The following ERG variants were observed in gnomAD, a reference collection of about 807,000 sequenced individuals.
ERG encodes ETS transcription factor ERG.
A neutral mutation model predicts 55.3 loss-of-function variants in ERG; 9 were observed. The ratio of observed to expected loss-of-function variants is 0.16; its 90% confidence interval spans 0.10 to 0.28. ERG has a LOEUF of 0.28. Among genes scored for constraint, ERG ranks in the 10% least tolerant of loss-of-function variants. The pLI, the probability that ERG is intolerant of heterozygous loss-of-function variation, is 1.00. For synonymous variants in ERG, 223 were observed against 237.3 expected, an observed-to-expected ratio of 0.94 and a Z score of 0.55; for missense variants, 434 against 631.6, an observed-to-expected ratio of 0.69 and a Z score of 3.35.
At chr21:38,406,775 A>G (rs1297371486) in intron 3 of ERG, among the ~76,000 whole-genome samples, 1 of 152,196 alleles carries the variant, frequency 6.6e-6, no homozygotes, top group Non-Finnish European at 1.5e-5. Context: ...ATATTGTCTG[A>G]AAGCCACTAG....
chr21:38,427,579 C>T (rs898029427), intron 2 of ERG, among the ~76,000 whole-genome samples: 11 of 152,158 alleles, frequency 7.2e-5, no homozygotes, highest in East Asian at 3.9e-4. Flanking sequence ...GACTTCAGTG[C>T]GGGTGGCCCG....
intron 6 of ERG, among the ~76,000 whole-genome samples, chr21:38,398,525 C>T (rs1231457657): frequency 6.6e-6 from 1 of 152,208 alleles, no homozygotes; most frequent in African/African-American, 2.4e-5. Flanking sequence ...TGTGCTCTCT[C>T]CCAGGTCACG....
chr21:38,585,999 G>A (rs1271014737), upstream of ERG, among the ~76,000 whole-genome samples: 1 of 151,922 alleles, frequency 6.6e-6, no homozygotes, highest in Non-Finnish European at 1.5e-5. Context: ...AGGCAGGAAA[G>A]GAAAGAGGAT....
intron 5 of ERG, among the ~76,000 whole-genome samples, chr21:38,401,573 A>G (rs1437395431): frequency 1.3e-5 from 2 of 152,230 alleles, no homozygotes; most frequent in African/African-American, 2.4e-5. Flanking sequence ...TTATATTTTA[A>G]AATAAAATGG....
Position 38,406,154 on chromosome 21 carries a change from C to CAAAAAAAAAAAAAAAAAAAA in ERG, c.389-2465_389-2446dup, listed in dbSNP as rs56711562. On this transcript the variant is annotated intron_variant, in intron 3 of 9. Coordinates refer to ENST00000288319, the MANE Select transcript of ERG (RefSeq NM_182918.4). ...TGAGCGACAGAGCGAGACTCCATCT[C>CAAAAAAAAAAAAAAAAAAAA]AAAAAAAAAAAAAAAAAAAAATCAT... 5.9e-4 allele frequency among the ~76,000 whole-genome samples: 56 copies of CAAAAAAAAAAAAAAAAAAAA among 95,000 alleles called. 1 individual carries two copies. The highest frequency in any genetic ancestry group is 2.2e-3 in the South Asian group (5 of 2,244). 62.3% of individuals were successfully genotyped at this position (95,000 alleles called of 152,430 possible).
chr21:38,454,792 A>AT (rs564428356), intron 1 of ERG, among the ~76,000 whole-genome samples: 2 of 152,172 alleles, frequency 1.3e-5, no homozygotes, highest in Non-Finnish European at 2.9e-5. Context: ...ATTATCACTT[A>AT]TTTTTTGTAA....
intron 1 of ERG, among the ~76,000 whole-genome samples, chr21:38,492,590 A>C (rs1395063099): frequency 1.3e-5 from 2 of 152,222 alleles, no homozygotes; most frequent in Non-Finnish European, 2.9e-5. Flanking sequence ...AATGGATAAG[A>C]TATCACTAAA....
intron 6 of ERG, 145 bp from the exon 7 acceptor site, chr21:38,392,589 A>G (rs1417613545): frequency 8.6e-6 from 5 of 581,240 alleles, no homozygotes; most frequent in Non-Finnish European, 1.4e-5. Flanking sequence ...ACTAGATTTG[A>G]GTTTTATTTA....
At chr21:38,443,054 G>A (rs746894426) in intron 2 of ERG, among the ~76,000 whole-genome samples, 23 of 152,156 alleles carry the variant, frequency 1.5e-4, no homozygotes, top group Non-Finnish European at 2.5e-4. Flanking sequence ...TGATCCACCC[G>A]CCTTGGCCTC....
intron 2 of ERG, among the ~76,000 whole-genome samples, chr21:38,542,972 A>G (rs948629111): frequency 6.6e-6 from 1 of 152,126 alleles, no homozygotes; most frequent in Non-Finnish European, 1.5e-5. Flanking sequence ...GCAGGAGGCC[A>G]TTGTGTTTCT....
chr21:38,587,078 T>C (rs2060070364), upstream of ERG, among the ~76,000 whole-genome samples: 1 of 152,258 alleles, frequency 6.6e-6, no homozygotes, highest in South Asian at 2.1e-4. Flanking sequence ...ACATAGCATC[T>C]GAAAAGTTGA....
At chr21:38,485,878 T>C (rs1165378748) in intron 1 of ERG, among the ~76,000 whole-genome samples, 1 of 152,060 alleles carries the variant, frequency 6.6e-6, no homozygotes, top group Non-Finnish European at 1.5e-5. Flanking sequence ...GCTCCATTCA[T>C]GGTAAGTGCC....
In ERG at chr21:38,381,927, G is replaced by A; in HGVS notation, c.*1476C>T. The stretch of plus-strand genomic sequence containing the variant: ...TGGCTCTCCCTTGCACAAGTTCCTG[G>A]ACAAAGTAAATTATAACACAAAATC... On this transcript the variant is annotated 3_prime_UTR_variant, in exon 10 of 10. Coordinates refer to ENST00000288319, the MANE Select transcript of ERG (RefSeq NM_182918.4). 1 of 1,063,106 alleles carries A rather than the reference G, an allele frequency of 9.4e-7. No individual in the cohort carries two copies. The highest frequency in any genetic ancestry group is 1.1e-6 in the Non-Finnish European group (1 of 877,916). 65.9% of individuals were successfully genotyped at this position (1,063,106 alleles called of 1,614,324 possible). A position where few individuals can be genotyped will look rare whatever the true frequency, so the allele number is the denominator to read the frequency against.
intron 1 of ERG, among the ~76,000 whole-genome samples, chr21:38,468,989 AAAAAAAAAAAAAG>A (rs1392317660): frequency 2.5e-4 from 18 of 71,690 alleles, no homozygotes; most frequent in Admixed American, 1.1e-3. Flanking sequence ...TCTCAAAAAA[AAAAAAAAAAAAAG>A]AAAAAAAAAA....
intron 2 of ERG, among the ~76,000 whole-genome samples, chr21:38,424,112 T>G (rs1421043534): frequency 1.3e-5 from 2 of 151,674 alleles, no homozygotes; most frequent in African/African-American, 4.8e-5. Context: ...TAATTTCAGT[T>G]TGATGAGGTC....
At chr21:38,609,322 G>T (rs923526873) in intron 1 of ERG, among the ~76,000 whole-genome samples, 4 of 152,054 alleles carry the variant, frequency 2.6e-5, no homozygotes, top group Admixed American at 1.3e-4. Context: ...CTATTTTCAC[G>T]CCCATGTGGA....
chr21:38,515,983 C>T (rs1444832728), intron 2 of ERG, among the ~76,000 whole-genome samples: 1 of 151,978 alleles, frequency 6.6e-6, no homozygotes, highest in Admixed American at 6.6e-5. Flanking sequence ...AAACATACCT[C>T]AATATATTAA....
At chr21:38,543,887 C>A (rs2059771280) in intron 2 of ERG, among the ~76,000 whole-genome samples, 1 of 152,026 alleles carries the variant, frequency 6.6e-6, no homozygotes, top group Non-Finnish European at 1.5e-5. Context: ...CAGGCATGCA[C>A]CACCATGCCT....
intron 1 of ERG, among the ~76,000 whole-genome samples, chr21:38,598,286 T>C (rs1055307238): frequency 6.6e-6 from 1 of 152,186 alleles, no homozygotes; most frequent in Non-Finnish European, 1.5e-5. Context: ...CCATGCCCCA[T>C]TCCTGGAGTC....
Sources: gnomAD v4.1 joint callset for allele counts (sites outside exome capture counted in the v4.1 genomes callset) on GRCh38, gnomAD v4.1.1 for gene constraint, MANE v1.5 for transcripts, NCBI Gene and HGNC (gene_info 2026-07-23, HGNC 2026-07-21) for gene names.